NCOA1: variants seen among roughly 807,000 people sequenced by gnomAD.
The protein encoded by NCOA1 is nuclear receptor coactivator 1, also known as Hin-2 protein.
Under a neutral mutation model 150.9 loss-of-function variants are expected in NCOA1, and 35 were observed. The observed-to-expected ratio is 0.23, with a 90% CI of 0.18 to 0.31. The LOEUF is 0.31. NCOA1 is among the 10% of genes least tolerant of loss of function. The probability of loss-of-function intolerance (pLI) is 1.00; values close to 1 mark genes in which losing one functional copy is unlikely to be tolerated. For synonymous variants in NCOA1, 590 were observed against 630.0 expected (o/e 0.94, Z 0.95); for missense variants, 1,491 against 1,749.3 (o/e 0.85, Z 2.63).
chr2:24,692,921 C>T (rs1167670480), intron 9 of NCOA1, among the ~76,000 whole-genome samples: 1 of 152,162 alleles, frequency 6.6e-6, no homozygotes, highest in Non-Finnish European at 1.5e-5. Flanking sequence ...ACTGCAGTGG[C>T]GTGATCTCGG....
intron 1 of NCOA1, among the ~76,000 whole-genome samples, chr2:24,517,058 T>G (rs1323192542): frequency 8.6e-6 from 1 of 116,052 alleles, no homozygotes; most frequent in East Asian, 2.7e-4. Context: ...CCCAGTATTT[T>G]ACTGTATCTT....
intron 3 of NCOA1, among the ~76,000 whole-genome samples, chr2:24,639,916 G>GCA (rs1670112846): frequency 3.4e-5 from 1 of 29,742 alleles, no homozygotes; most frequent in African/African-American, 6.5e-5. Flanking sequence ...ATGTGTGTGT[G>GCA]TATATATATA....
chr2:24,523,627 A>AAAAAAAAAAAAAC (rs1664522619), intron 1 of NCOA1, among the ~76,000 whole-genome samples: 2 of 129,590 alleles, frequency 1.5e-5, no homozygotes, highest in African/African-American at 2.8e-5. Flanking sequence ...AAAAAAAAAA[A>AAAAAAAAAAAAAC]AAAGAAACTG....
At chr2:24,693,999 A>G (rs1043693425) in intron 10 of NCOA1, among the ~76,000 whole-genome samples, 2 of 152,148 alleles carry the variant, frequency 1.3e-5, no homozygotes, top group African/African-American at 4.8e-5. Flanking sequence ...TGGGTCTTGG[A>G]AGGGGGGCAG....
intron 15 of NCOA1, 144 bp downstream of exon 15, chr2:24,726,850 AAGTG>A: frequency 2.6e-6 from 1 of 380,598 alleles, no homozygotes; most frequent in Non-Finnish European, 4.5e-6. Context: ...AAAAAAAAAA[AAGTG>A]GGCCCGGTGC....
At position 24,513,236 on chromosome 2, in the gene NCOA1, GT is replaced by G. The variant is rs372390443; in HGVS notation, c.-396+21635del. 6.2e-3 allele frequency among the ~76,000 whole-genome samples: 945 copies of G among 152,174 alleles called. 13 individuals are homozygous for G. The highest frequency in any genetic ancestry group is 0.021 in the African/African-American group (867 of 41,512). ...TTTTTTAAAAAAGAAGTAAAACATTGTGGAGTTCAGCCTTCTCTGTACCCTC... is the reference window on the plus strand; with the variant it reads ...TTTTTTAAAAAAGAAGTAAAACATTGGGAGTTCAGCCTTCTCTGTACCCTC... On this transcript the variant is annotated intron_variant, in intron 1 of 22. Coordinates refer to ENST00000348332, the MANE Select transcript of NCOA1 (RefSeq NM_003743.5).
chr2:24,699,935 G>A (rs1318948406), intron 11 of NCOA1, among the ~76,000 whole-genome samples: 5 of 152,002 alleles, frequency 3.3e-5, no homozygotes, highest in African/African-American at 7.2e-5. Flanking sequence ...ACCTGAGGTC[G>A]GGAGTTCAAG....
At chr2:24,651,137 AG>A (rs1670692819) in intron 4 of NCOA1, among the ~76,000 whole-genome samples, 14 of 152,078 alleles carry the variant, frequency 9.2e-5, no homozygotes, top group Non-Finnish European at 1.5e-5. Context: ...AAAACAGTAT[AG>A]ATACTCCTAA....
chr2:24,546,397 TTGTC>T (rs1665607424), intron 1 of NCOA1, among the ~76,000 whole-genome samples: 1 of 152,212 alleles, frequency 6.6e-6, no homozygotes, highest in Admixed American at 6.5e-5. Flanking sequence ...AATATGTTAT[TTGTC>T]TGTATAGAAT....
chr2:24,520,917 T>TCTTTAGCCAAACTATCAA (rs6146684), intron 1 of NCOA1, among the ~76,000 whole-genome samples: 4 of 151,856 alleles, frequency 2.6e-5, no homozygotes, highest in Non-Finnish European at 5.9e-5. Context: ...CCTTGCTCAT[T>TCTTTAGCCAAACTATCAA]CTTTGCTGTT....
chr2:24,741,874 G>C lies in NCOA1; in HGVS notation c.3394G>C (p.Ala1132Pro). ...GAGGCAGCTAATACAGCAGCAAAGA[G>C]CCATGCTTATGAGGCAGCAAAGCTT... Reference protein sequence around the residue: ...RQRQLIQQQRAMLMRQQSFGN... With the variant: ...RQRQLIQQQRPMLMRQQSFGN... Residue 1132 changes from alanine to proline, a missense_variant, in exon 19 of 23, where the codon GCC becomes CCC. This residue lies in a region of NCOA1 where 485 missense variants were observed against 522.8 expected (regional missense o/e 0.93). Transcript: ENST00000348332. 6.2e-7 allele frequency: 1 copy of C among 1,614,232 alleles called. No individual in the cohort carries two copies. The highest frequency in any genetic ancestry group is 1.1e-5 in the South Asian group (1 of 91,088).
rs755365583 is a variant in NCOA1, at chr2:24,726,648, G to T, written c.2659G>T (p.Asp887Tyr). 22 of 1,611,016 alleles carry T rather than the reference G, an allele frequency of 1.4e-5. No homozygotes were observed. The highest frequency in any genetic ancestry group is 1.9e-5 in the Non-Finnish European group (22 of 1,178,688). The stretch of plus-strand genomic sequence containing the variant: ...CCAATTTGGACAACCAGGAACAGGC[G>T]ATCAGATTCCATGGACAAATAATAC... Reference protein sequence around the residue: ...DNQFGQPGTGDQIPWTNNTVT... With the variant: ...DNQFGQPGTGYQIPWTNNTVT... The change falls in exon 15 of 23, where the codon GAT becomes TAT. Residue 887 changes from aspartate (D) to tyrosine (Y), a missense_variant. Transcript: ENST00000348332.
chr2:24,548,129 C>A (rs1261088187), intron 1 of NCOA1, among the ~76,000 whole-genome samples: 1 of 151,992 alleles, frequency 6.6e-6, no homozygotes, highest in Admixed American at 6.5e-5. Context: ...TAAAGACACA[C>A]CTAAGTCTGG....
chr2:24,621,432 ATTTTTTTTTTTTTT>A (rs1162282258), intron 3 of NCOA1, among the ~76,000 whole-genome samples: 500 of 38,912 alleles, frequency 0.013, 2 homozygotes, highest in African/African-American at 0.055. Flanking sequence ...ATTCAGGCAG[ATTTTTTTTTTTTTT>A]TTTTTTTTTT....
intron 3 of NCOA1, among the ~76,000 whole-genome samples, chr2:24,619,481 T>A (rs1669022598): frequency 6.6e-6 from 1 of 152,190 alleles, no homozygotes; most frequent in African/African-American, 2.4e-5. Context: ...CTACTTCTTT[T>A]GAAAGGCAGC....
intron 18 of NCOA1, 35 bp downstream of exon 18, chr2:24,739,568 T>G: frequency 1.4e-6 from 2 of 1,472,898 alleles, no homozygotes; most frequent in African/African-American, 1.4e-5. Flanking sequence ...TTAGTACTTC[T>G]TTAACCCACA....
chr2:24,526,705 A>G (rs1664667465), intron 1 of NCOA1, among the ~76,000 whole-genome samples: 1 of 141,548 alleles, frequency 7.1e-6, no homozygotes, highest in Non-Finnish European at 1.5e-5. Context: ...CAAGAGCGAG[A>G]CCCTTTCTCA....
In NCOA1 at chr2:24,630,339, A is replaced by T. The variant is rs146959147; in HGVS notation, c.-174-13627A>T. On this transcript the variant is annotated intron_variant, in intron 3 of 22. Transcript: ENST00000348332. Reference sequence around the variant, plus strand: ...ATAAGAAGGGAATGTGGTTACCTGTAGGCAGATGTGGATAACTGAAGCTGT... The same window carrying T: ...ATAAGAAGGGAATGTGGTTACCTGTTGGCAGATGTGGATAACTGAAGCTGT... 3.9e-3 allele frequency among the ~76,000 whole-genome samples: 589 copies of T among 152,350 alleles called. 1 individual carries two copies. The highest frequency in any genetic ancestry group is 7.6e-3 in the Admixed American group (116 of 15,306).
At chr2:24,617,042 C>A (rs541954823) in intron 3 of NCOA1, among the ~76,000 whole-genome samples, 69 of 152,152 alleles carry the variant, frequency 4.5e-4, no homozygotes, top group African/African-American at 1.6e-3. Context: ...AGACACCACC[C>A]CTCAAAAAGA....
Sources: gnomAD v4.1 joint callset for allele counts (sites outside exome capture counted in the v4.1 genomes callset) on GRCh38, gnomAD v4.1.1 for gene constraint, gnomAD v4.1.1 regional missense constraint, MANE v1.5 for transcripts, NCBI Gene and HGNC (gene_info 2026-07-23, HGNC 2026-07-21) for gene names.